FRAS1: variants seen among roughly 807,000 people sequenced by gnomAD.
The protein encoded by FRAS1 is extracellular matrix organizing protein FRAS1.
Under a neutral mutation model 435.2 loss-of-function variants are expected in FRAS1, and 290 were observed. The ratio of observed to expected loss-of-function variants is 0.67; its 90% CI spans 0.61 to 0.73. The LOEUF (loss-of-function observed/expected upper bound fraction) is 0.73, where lower values mean the gene tolerates loss of function less well. Ranked by LOEUF, FRAS1 falls within the 30% of genes least tolerant of loss-of-function variation. The pLI is 0.00. For missense variants in FRAS1, 4,860 were observed against 5,001.5 expected, an observed-to-expected ratio of 0.97 and a Z score of 0.85; for synonymous variants, 1,800 against 1,851.0, an observed-to-expected ratio of 0.97 and a Z score of 0.71.
intron 19 of FRAS1, among the ~76,000 whole-genome samples, chr4:78,334,238 A>G (rs929393901): frequency 1.3e-5 from 2 of 152,184 alleles, no homozygotes; most frequent in African/African-American, 4.8e-5. Flanking sequence ...TAGAAGCAAC[A>G]AATATTACCC....
rs568878791 is a variant in FRAS1 at position 78,112,820 on chromosome 4, ATT to A, written c.108+46806_108+46807del. 4.2e-4 allele frequency among the ~76,000 whole-genome samples: 64 copies of A among 151,134 alleles called. No individual in the cohort carries two copies. The East Asian group carries it at 8.0e-3, about 19-fold the overall frequency. ...TTTTTAAATTTTTACTTTATTATTT[ATT>A]TATTTATTCATTTTTTTATTATACT... On this transcript the variant is annotated intron_variant, in intron 2 of 73. Coordinates refer to ENST00000512123, the MANE Select transcript of FRAS1 (RefSeq NM_025074.7).
intron 2 of FRAS1, among the ~76,000 whole-genome samples, chr4:78,216,601 TG>T (rs1723778463): frequency 6.6e-6 from 1 of 152,236 alleles, no homozygotes; most frequent in Admixed American, 6.5e-5. Context: ...CACAGATATC[TG>T]CAGTTGTGGG....
At chr4:78,117,945 C>T (rs911234136) in intron 2 of FRAS1, among the ~76,000 whole-genome samples, 6 of 152,300 alleles carry the variant, frequency 3.9e-5, no homozygotes, top group Admixed American at 3.9e-4. Flanking sequence ...TCTGTTTTTT[C>T]CCCATCTTTG....
intron 2 of FRAS1, among the ~76,000 whole-genome samples, chr4:78,162,225 A>G (rs1249515075): frequency 6.6e-6 from 1 of 152,166 alleles, no homozygotes; most frequent in African/African-American, 2.4e-5. Flanking sequence ...TTTTATTCCT[A>G]TACCTGAAAG....
At chr4:78,082,860 G>A in intron 2 of FRAS1, among the ~76,000 whole-genome samples, 1 of 152,120 alleles carries the variant, frequency 6.6e-6, no homozygotes, top group Non-Finnish European at 1.5e-5. Flanking sequence ...ATTTGCAGAA[G>A]TATTGGTTGT....
At chr4:78,186,770 C>G (rs887113300) in intron 2 of FRAS1, among the ~76,000 whole-genome samples, 1 of 152,126 alleles carries the variant, frequency 6.6e-6, no homozygotes, top group African/African-American at 2.4e-5. Context: ...TGGGAGTTTC[C>G]CGGGGTAAAA....
intron 59 of FRAS1, among the ~76,000 whole-genome samples, chr4:78,490,506 C>CA (rs1720315188): frequency 2.0e-5 from 3 of 152,298 alleles, no homozygotes; most frequent in Non-Finnish European, 4.4e-5. Flanking sequence ...GAAACTCACT[C>CA]AAAACCACAC....
At chr4:78,172,102 T>A (rs898831456) in intron 2 of FRAS1, among the ~76,000 whole-genome samples, 7 of 152,102 alleles carry the variant, frequency 4.6e-5, no homozygotes, top group Non-Finnish European at 7.4e-5. Flanking sequence ...CTCTCTCCCC[T>A]TCCACAGCAT....
At chr4:78,321,966 T>C (rs1348905368) in intron 18 of FRAS1, among the ~76,000 whole-genome samples, 3 of 152,096 alleles carry the variant, frequency 2.0e-5, no homozygotes, top group Non-Finnish European at 2.9e-5. Flanking sequence ...GTTAACATAA[T>C]ATTATTAGAT....
chr4:78,376,154 C>G (rs917642930), intron 26 of FRAS1, among the ~76,000 whole-genome samples: 1 of 152,188 alleles, frequency 6.6e-6, no homozygotes, highest in African/African-American at 2.4e-5. Context: ...AGCTAAGTTC[C>G]TGAACTACAG....
rs1730017479 is a variant in FRAS1 at position 78,333,306 on chromosome 4, A to G, written c.2172A>G (p.Lys724=). The part of the protein sequence containing the change: ...CHQSCFRCAG[K]SPHNCTDCGP... ...AGTCCTGTTTCAGATGTGCAGGGAA[A>G]AGCCCACATAACTGCACAGACTGTG... Residue 724 remains lysine (K), a synonymous_variant, in exon 19 of 74, where the codon AAA becomes AAG. Coordinates refer to ENST00000512123, the MANE Select transcript of FRAS1 (RefSeq NM_025074.7). The G allele has an allele frequency of 6.2e-7, 1 of 1,611,344 alleles. No homozygotes were observed. Among genetic ancestry groups the G allele is most frequent in the African/African-American group, 1.3e-5 (1 of 74,860 alleles).
chr4:78,491,029 C>T (rs973005152), intron 59 of FRAS1, among the ~76,000 whole-genome samples: 3 of 152,130 alleles, frequency 2.0e-5, no homozygotes, highest in African/African-American at 7.2e-5. Context: ...CTATAAACAC[C>T]TCTATGCAAA....
intron 27 of FRAS1, among the ~76,000 whole-genome samples, chr4:78,383,592 C>T (rs890472535): frequency 6.6e-6 from 1 of 152,132 alleles, no homozygotes; most frequent in South Asian, 2.1e-4. Flanking sequence ...CCGTGTAATA[C>T]AGACATTGCA....
intron 2 of FRAS1, among the ~76,000 whole-genome samples, chr4:78,188,334 A>C (rs145165986): frequency 2.7e-4 from 41 of 150,964 alleles, no homozygotes; most frequent in African/African-American, 8.8e-4. Flanking sequence ...ATCTATCTAT[A>C]TTTAGGTTGG....
At chr4:78,423,862 T>C (rs1649944670) in intron 34 of FRAS1, among the ~76,000 whole-genome samples, 1 of 152,172 alleles carries the variant, frequency 6.6e-6, no homozygotes, top group African/African-American at 2.4e-5. Context: ...AAAGAAAACA[T>C]GTCAGCCGTG....
chr4:78,527,890 G>T (rs1250070903), intron 70 of FRAS1, among the ~76,000 whole-genome samples: 1 of 152,126 alleles, frequency 6.6e-6, no homozygotes, highest in East Asian at 1.9e-4. Context: ...AGGGGATAGA[G>T]GGAAAGCTTG....
At chr4:78,181,166 C>G in intron 2 of FRAS1, 1 of 1,598,384 alleles carries the variant, frequency 6.3e-7, no homozygotes, top group Admixed American at 1.7e-5. Context: ...ATTTGGTTTT[C>G]AGATATTAAA....
chr4:78,115,616 T>G (rs1743109393), intron 2 of FRAS1, among the ~76,000 whole-genome samples: 1 of 152,222 alleles, frequency 6.6e-6, no homozygotes, highest in Non-Finnish European at 1.5e-5. Context: ...TTTGTTTGTG[T>G]AGAGGTGTTT....
At chr4:78,080,121 A>G (rs1480957254) in intron 2 of FRAS1, among the ~76,000 whole-genome samples, 1 of 152,140 alleles carries the variant, frequency 6.6e-6, no homozygotes, top group Non-Finnish European at 1.5e-5. Context: ...GCAGCAAATC[A>G]GCTCTCTGGC....
Sources: gnomAD v4.1 joint callset for allele counts (sites outside exome capture counted in the v4.1 genomes callset) on GRCh38, gnomAD v4.1.1 for gene constraint, MANE v1.5 for transcripts, NCBI Gene and HGNC (gene_info 2026-07-23, HGNC 2026-07-21) for gene names.